Variants in OLFM1 observed in about 807,000 individuals in gnomAD.
OLFM1 encodes olfactomedin 1.
OLFM1 carries 9 observed loss-of-function variants against 49.7 expected under a neutral mutation model. The observed-to-expected ratio is 0.18, with a 90% CI of 0.11 to 0.32. OLFM1 has a LOEUF of 0.32. OLFM1 is among the 10% of genes least tolerant of loss of function. OLFM1 has a pLI of 1.00. For missense variants in OLFM1, 369 were observed against 661.8 expected (o/e 0.56, Z 4.85); for synonymous variants, 240 against 271.8 (o/e 0.88, Z 1.15).
At chr9:135,093,336 A>T (rs1220564481) in intron 2 of OLFM1, among the ~76,000 whole-genome samples, 1 of 152,122 alleles carries the variant, frequency 6.6e-6, no homozygotes, top group Admixed American at 6.5e-5. Flanking sequence ...TAGGCTTTGG[A>T]GCCAGTCCAG....
chr9:135,111,684 G>T (rs1471753390), intron 5 of OLFM1, among the ~76,000 whole-genome samples: 2 of 152,172 alleles, frequency 1.3e-5, no homozygotes, highest in African/African-American at 4.8e-5. Context: ...GCGTCTCTCT[G>T]CTGCCCCTCC....
intron 5 of OLFM1, among the ~76,000 whole-genome samples, chr9:135,112,763 G>A (rs2382977): frequency 0.19 from 28,699 of 152,172 alleles, 2,768 homozygotes; most frequent in Middle Eastern, 0.29. Context: ...GGATGGCGGC[G>A]TGAGAGCTTG....
intron 2 of OLFM1, among the ~76,000 whole-genome samples, chr9:135,094,359 C>T (rs538461104): frequency 2.0e-5 from 3 of 152,322 alleles, no homozygotes; most frequent in African/African-American, 7.2e-5. Context: ...TAGTTTGCAG[C>T]TAGTTTTAAC....
Position 135,087,814 on chromosome 9 carries a change from G to A in OLFM1, c.-176G>A. 3.6e-6 allele frequency: 3 copies of A among 834,928 alleles called. No homozygotes were observed. Among genetic ancestry groups the A allele is most frequent in the Non-Finnish European group, 4.3e-6 (3 of 695,298 alleles). 51.7% of individuals were successfully genotyped at this position (834,928 alleles called of 1,614,324 possible). On this transcript the variant is annotated 5_prime_UTR_variant, in exon 1 of 6. Coordinates refer to ENST00000371793, the MANE Select transcript of OLFM1 (RefSeq NM_001282611.2). ...CTTCCCTGGCGCCCGGGGAAGGCGC[G>A]GCGATGGCCGGGGCGCGCGGGGCGG...
At chr9:135,091,751 T>TCACACACACTCACACAGTCA in intron 2 of OLFM1, among the ~76,000 whole-genome samples, 2 of 71,212 alleles carry the variant, frequency 2.8e-5, no homozygotes, top group Non-Finnish European at 5.8e-5. Flanking sequence ...CCACACATAG[T>TCACACACACTCACACAGTCA]CACACACACT....
At chr9:135,078,493 C>G (rs554189889) in intron 1 of OLFM1, among the ~76,000 whole-genome samples, 29 of 152,342 alleles carry the variant, frequency 1.9e-4, no homozygotes, top group African/African-American at 6.5e-4. Flanking sequence ...AATCAAACAC[C>G]AACCGTTGAT....
intron 5 of OLFM1, 59 bp downstream of exon 5, chr9:135,106,914 GT>G (rs1265638293): frequency 7.4e-7 from 1 of 1,360,018 alleles, no homozygotes; most frequent in Non-Finnish European, 1.0e-6. Flanking sequence ...CGGACACCTG[GT>G]GGGCCCCAGA....
Position 135,098,070 on chromosome 9 carries a change from T to G in OLFM1, c.457-216T>G, listed in dbSNP as rs1055977510. The G allele has an allele frequency of 4.2e-6, 6 of 1,429,450 alleles. No individual in the cohort carries two copies. In the East Asian group the frequency reaches 7.5e-5, roughly 18 times the overall value. 88.5% of individuals were successfully genotyped at this position (1,429,450 alleles called of 1,614,324 possible). On this transcript the variant is annotated intron_variant, in intron 3 of 5. Coordinates refer to ENST00000371793, the MANE Select transcript of OLFM1 (RefSeq NM_001282611.2). This position sits in a 1 kb window ranked among gnomAD's most constrained non-coding sequence, Gnocchi z 5.6. ...CTCAAAGCATGTAACCTTAAGATGT[T>G]GCATTCTAAACTGACAATAAAGACC...
At chr9:135,082,190 A>G (rs1830541645) in intron 1 of OLFM1, among the ~76,000 whole-genome samples, 1 of 152,202 alleles carries the variant, frequency 6.6e-6, no homozygotes, top group Non-Finnish European at 1.5e-5. Flanking sequence ...GTGTGTAGCC[A>G]TGAAAAGTTG....
At position 135,095,986 on chromosome 9, in the gene OLFM1, G is replaced by C. The variant is rs1473869548; in HGVS notation, c.423G>C (p.Glu141Asp). 3 of 1,504,930 alleles carry C rather than the reference G, an allele frequency of 2.0e-6. No individual in the cohort carries two copies. In the East Asian group the frequency reaches 7.7e-5, roughly 39 times the overall value. 93.2% of individuals were successfully genotyped at this position (1,504,930 alleles called of 1,614,324 possible). ...GLESKFKQVEESHKQHLARQF... is the reference protein window; with the variant it reads ...GLESKFKQVEDSHKQHLARQF... ...AGTCCAAGTTCAAACAGGTGGAGGA[G>C]AGTCATAAGCAACACCTGGCCAGGC... The change falls in exon 3 of 6, where the codon GAG becomes GAC. Residue 141 changes from glutamate to aspartate, a missense_variant. By Grantham distance (45) the Glu-to-Asp change is conservative. Around this residue, in one of 3 missense-constraint regions of OLFM1, gnomAD observed 294 missense variants for 567.5 expected, o/e 0.52. Transcript: ENST00000371793.
chr9:135,079,318 G>A (rs1047842950), intron 1 of OLFM1, among the ~76,000 whole-genome samples: 2 of 152,150 alleles, frequency 1.3e-5, no homozygotes, highest in African/African-American at 4.8e-5. Flanking sequence ...AGTGAGCCCG[G>A]GGGAAAGAAG....
intron 2 of OLFM1, 42 bp from the exon 3 acceptor site, chr9:135,095,822 C>T (rs1318330683): frequency 3.1e-5 from 50 of 1,604,844 alleles, no homozygotes; most frequent in Middle Eastern, 1.8e-4. Context: ...TTGCCTGGCA[C>T]CTACTGCGGC....
chr9:135,077,081 T>G, intron 1 of OLFM1: 1 of 1,550,272 alleles, frequency 6.5e-7, no homozygotes, highest in South Asian at 1.2e-5. Context: ...GAGGTTTTCT[T>G]GGCCCCAGGA....
intron 1 of OLFM1, among the ~76,000 whole-genome samples, chr9:135,081,544 C>T (rs1314191036): frequency 1.3e-5 from 2 of 152,190 alleles, no homozygotes; most frequent in Non-Finnish European, 2.9e-5. Context: ...GGCCCGTCCA[C>T]CCCTTGGAAA....
chr9:135,090,370 T>G (rs1564269831), intron 2 of OLFM1, 26 bp downstream of exon 2: 1 of 1,459,676 alleles, frequency 6.9e-7, no homozygotes. Context: ...GTGTGTGAGT[T>G]TGTATGTGTG....
rs1554753300 is a variant in OLFM1, at chr9:135,095,530, A to AGAG, written c.301-334_301-333insGAG. ...CCACCACTACCAAAAAAAAAAAAAAAAGAGAGAGAGAGAGATCAAGAGAAA... is the reference window on the plus strand; with the variant it reads ...CCACCACTACCAAAAAAAAAAAAAAAGAGAGAGAGAGAGAGAGATCAAGAGAAA... On this transcript the variant is annotated intron_variant, in intron 2 of 5. Transcript: ENST00000371793. 8.3e-3 allele frequency among the ~76,000 whole-genome samples: 1,136 copies of AGAG among 137,252 alleles called. 21 individuals are homozygous for AGAG. Among genetic ancestry groups the AGAG allele is most frequent in the African/African-American group, 0.032 (1,070 of 33,868 alleles). 90.0% of individuals were successfully genotyped at this position (137,252 alleles called of 152,430 possible). A position where few individuals can be genotyped will look rare whatever the true frequency, so the allele number is the denominator to read the frequency against.
chr9:135,080,772 AGCTAG>A lies in OLFM1; in HGVS notation c.96+4974_96+4978del. ...CTGAATTAGATACATGGCAACCACG[AGCTAG>A]GCTGACAGGGCGAGCAGCCAATTTC... On this transcript the variant is annotated intron_variant, in intron 1 of 5. Transcript: ENST00000252854. The surrounding 1 kb of genome is among the most constrained non-coding windows in gnomAD (Gnocchi z 4.5). 6.6e-6 allele frequency among the ~76,000 whole-genome samples: 1 copy of A among 152,288 alleles called. No individual in the cohort carries two copies. The highest frequency in any genetic ancestry group is 2.4e-5 in the African/African-American group (1 of 41,552).
chr9:135,112,383 A>G (rs918729261), intron 5 of OLFM1, among the ~76,000 whole-genome samples: 1 of 152,140 alleles, frequency 6.6e-6, no homozygotes, highest in Non-Finnish European at 1.5e-5. Context: ...TCCCCTTCCT[A>G]TGCCTGGGGA....
intron 1 of OLFM1, among the ~76,000 whole-genome samples, chr9:135,081,374 TG>T (rs1282252273): frequency 6.6e-6 from 1 of 152,194 alleles, no homozygotes; most frequent in Non-Finnish European, 1.5e-5. Flanking sequence ...CTCTGTGGAA[TG>T]CACCACAGAG....
Sources: gnomAD v4.1 joint callset for allele counts (sites outside exome capture counted in the v4.1 genomes callset) on GRCh38, gnomAD v4.1.1 for gene constraint, gnomAD v4.1.1 regional missense constraint, Gnocchi (gnomAD v3.1) non-coding constraint, MANE v1.5 for transcripts, NCBI Gene and HGNC (gene_info 2026-07-23, HGNC 2026-07-21) for gene names.